The following TULP4 variants were observed in gnomAD, a reference collection of about 807,000 sequenced individuals.
TULP4 encodes the protein tubby-related protein 4.
In TULP4, 16 loss-of-function variants were observed where a neutral mutation model predicts 129.0. The ratio of observed to expected loss-of-function variants is 0.12; its 90% CI spans 0.08 to 0.19. The LOEUF is 0.19. Among genes scored for constraint, TULP4 ranks in the 10% least tolerant of loss-of-function variants. TULP4 has a pLI of 1.00. For synonymous variants in TULP4, 998 were observed against 854.0 expected (o/e 1.17, Z -2.94); for missense variants, 1,842 against 2,059.1 (o/e 0.89, Z 2.04).
intron 1 of TULP4, among the ~76,000 whole-genome samples, chr6:158,238,921 C>T (rs1777783033): frequency 8.0e-6 from 1 of 124,592 alleles, no homozygotes; most frequent in Non-Finnish European, 1.8e-5. Flanking sequence ...TCATCCTGGC[C>T]CGTTCTCAAT....
At chr6:158,470,946 G>A (rs1779667656) in intron 6 of TULP4, among the ~76,000 whole-genome samples, 1 of 152,148 alleles carries the variant, frequency 6.6e-6, no homozygotes, top group Non-Finnish European at 1.5e-5. Context: ...GGCAGAGAGA[G>A]GATGGTAACT....
At chr6:158,365,895 C>CTTTT (rs1780938521) in intron 1 of TULP4, among the ~76,000 whole-genome samples, 6 of 78,284 alleles carry the variant, frequency 7.7e-5, no homozygotes, top group East Asian at 7.5e-4. Context: ...TTTTCTTTTT[C>CTTTT]TTTCTTTTTT....
rs1780256494 is a variant in TULP4 at position 158,493,296 on chromosome 6, C to T, written c.1632-277C>T. ...CTGGGCTCAAGCGATCCTCCTGCCT[C>T]AGCCTCCCAAGCAGCTGGGACTGCA... On this transcript the variant is annotated intron_variant, in intron 9 of 13. Transcript: ENST00000367097. The surrounding 1 kb of genome is among the most constrained non-coding windows in gnomAD (Gnocchi z 4.4). Among the ~76,000 whole-genome samples, 1 of 152,244 alleles carries T rather than the reference C, an allele frequency of 6.6e-6. No homozygotes were observed. The highest frequency in any genetic ancestry group is 2.4e-5 in the African/African-American group (1 of 41,460).
chr6:158,253,810 G>A (rs887501190), intron 1 of TULP4, among the ~76,000 whole-genome samples: 2 of 152,112 alleles, frequency 1.3e-5, no homozygotes, highest in South Asian at 2.1e-4. Context: ...CAAGGTGGGC[G>A]GATCACCTGA....
intron 1 of TULP4, among the ~76,000 whole-genome samples, chr6:158,315,943 C>A (rs1014455690): frequency 6.6e-6 from 1 of 152,232 alleles, no homozygotes; most frequent in African/African-American, 2.4e-5. Context: ...TAGGTTTCAA[C>A]ATTGAATTTT....
Position 158,246,024 on chromosome 6 carries a change from GT to G in TULP4, n.68+13722del, listed in dbSNP as rs371550359. 7.1e-3 allele frequency among the ~76,000 whole-genome samples: 153 copies of G among 21,472 alleles called. 1 individual carries two copies. Among genetic ancestry groups the G allele is most frequent in the East Asian group, 0.052 (45 of 872 alleles). The allele number at this position is 21,472 out of a possible 152,430, so 14.1% of individuals were successfully genotyped here. The stretch of plus-strand genomic sequence containing the variant: ...TGAGTAATTTGCCTACCCCTTAGGG[GT>G]GTGTGTGTGTGTGTGTGTGTGTGTG... On this transcript the variant is annotated intron_variant and non_coding_transcript_variant, in intron 1 of 1. Transcript: ENST00000620026.
chr6:158,284,755 G>T (rs1778808826), intron 1 of TULP4, among the ~76,000 whole-genome samples: 1 of 152,144 alleles, frequency 6.6e-6, no homozygotes, highest in East Asian at 1.9e-4. Flanking sequence ...TGCTTGGCTG[G>T]TCCCAGTTTG....
chr6:158,352,605 C>T (rs1204258737), intron 1 of TULP4, among the ~76,000 whole-genome samples: 1 of 152,100 alleles, frequency 6.6e-6, no homozygotes, highest in Non-Finnish European at 1.5e-5. Context: ...CCATGTTGGC[C>T]AGGATGGTCT....
chr6:158,502,859 T>C lies in TULP4; in HGVS notation c.3196T>C (p.Ser1066Pro). ...CAGCGCCTCCCCGTTGGCCTCCCAG[T>C]CCTCCTACAGCCTCCTGAGCCCACC... ...TASASPLASQ[S>P]SYSLLSPPDS... Residue 1066 changes from serine (S) to proline (P), a missense_variant, in exon 13 of 14, where the codon TCC becomes CCC. Coordinates refer to ENST00000367097, the MANE Select transcript of TULP4 (RefSeq NM_020245.5). 4 of 1,613,618 alleles carry C rather than the reference T, an allele frequency of 2.5e-6. No homozygotes were observed. Among genetic ancestry groups the C allele is most frequent in the Non-Finnish European group, 3.4e-6 (4 of 1,179,948 alleles).
At chr6:158,340,170 T>G (rs1249138552) in intron 1 of TULP4, among the ~76,000 whole-genome samples, 2 of 152,198 alleles carry the variant, frequency 1.3e-5, no homozygotes, top group Admixed American at 1.3e-4. Flanking sequence ...TACAGTAACC[T>G]TGATAATTTG....
chr6:158,369,322 T>C (rs1777018138), intron 1 of TULP4, among the ~76,000 whole-genome samples: 1 of 152,098 alleles, frequency 6.6e-6, no homozygotes, highest in African/African-American at 2.4e-5. Flanking sequence ...AGTGAGACCC[T>C]GTCTCTACAA....
intron 12 of TULP4, 96 bp downstream of exon 12, chr6:158,498,908 C>T (rs1780387354): frequency 6.8e-7 from 1 of 1,480,838 alleles, no homozygotes; most frequent in Non-Finnish European, 9.3e-7. Flanking sequence ...TTTCAGTCTG[C>T]TACCTGGGTT....
rs545241941 is a variant in TULP4, at chr6:158,445,810, A to T, written c.544-3186A>T. On this transcript the variant is annotated intron_variant, in intron 3 of 13. Transcript: ENST00000367097. ...TGTTGACACTGAGGGCCTTTTGCAC[A>T]TCTTGGGGAGATGGCAGGAATGCAG... Among the ~76,000 whole-genome samples, 4 of 152,336 alleles carry T rather than the reference A, an allele frequency of 2.6e-5. No individual in the cohort carries two copies. In the South Asian group the frequency reaches 8.3e-4, roughly 32 times the overall value.
chr6:158,383,981 T>C lies in TULP4; in HGVS notation c.253-29084T>C, dbSNP rs187296996. Among the ~76,000 whole-genome samples the C allele has an allele frequency of 9.3e-4, 142 of 152,304 alleles. 2 individuals carry two copies. Among genetic ancestry groups the C allele is most frequent in the African/African-American group, 3.2e-3 (133 of 41,564 alleles). ...GGCAGGAAGTTAATAGTACAGACTT[T>C]ATACCAAAGAGTGTAACATTATCCC... On this transcript the variant is annotated intron_variant, in intron 1 of 13. Transcript: ENST00000367097.
chr6:158,260,805 A>ATTTCT (rs200842804), intron 1 of TULP4, among the ~76,000 whole-genome samples: 5 of 148,730 alleles, frequency 3.4e-5, no homozygotes, highest in African/African-American at 7.4e-5. Context: ...GGAAAAGTGT[A>ATTTCT]TTTCTTTTCT....
chr6:158,436,750 C>T (rs949241725), intron 3 of TULP4, among the ~76,000 whole-genome samples: 51 of 152,250 alleles, frequency 3.3e-4, no homozygotes, highest in African/African-American at 6.7e-4. Flanking sequence ...AGAAAGAATC[C>T]GGGCTGGTAA....
At chr6:158,476,547 G>A (rs915656473) in intron 6 of TULP4, among the ~76,000 whole-genome samples, 9 of 152,042 alleles carry the variant, frequency 5.9e-5, no homozygotes, top group African/African-American at 9.7e-5. Context: ...ATCCTCCCTC[G>A]CCTTCGAGAT....
At chr6:158,307,595 C>T (rs1333008137), upstream of TULP4, among the ~76,000 whole-genome samples, 1 of 152,198 alleles carries the variant, frequency 6.6e-6, no homozygotes, top group African/African-American at 2.4e-5. Flanking sequence ...GATTGTCCTG[C>T]CTCAGCCTCC....
chr6:158,301,776 A>C (rs1258668284), intron 1 of TULP4, among the ~76,000 whole-genome samples: 1 of 152,210 alleles, frequency 6.6e-6, no homozygotes, highest in African/African-American at 2.4e-5. Context: ...TTCCAGTTCT[A>C]GTGAAGCCTC....
Sources: gnomAD v4.1 joint callset for allele counts (sites outside exome capture counted in the v4.1 genomes callset) on GRCh38, gnomAD v4.1.1 for gene constraint, Gnocchi (gnomAD v3.1) non-coding constraint, MANE v1.5 for transcripts, NCBI Gene and HGNC (gene_info 2026-07-23, HGNC 2026-07-21) for gene names.